DYNC2H1: variants seen among roughly 807,000 people sequenced by gnomAD.
DYNC2H1 encodes the protein cytoplasmic dynein 2 heavy chain 1.
DYNC2H1 carries 410 observed loss-of-function variants against 570.0 expected under a neutral mutation model. That is an observed-to-expected ratio of 0.72 (90% confidence interval 0.66 to 0.78). The LOEUF (loss-of-function observed/expected upper bound fraction) is 0.78, where lower values mean the gene tolerates loss of function less well. Ranked by LOEUF, DYNC2H1 falls within the 30% of genes least tolerant of loss-of-function variation. The pLI, the probability that DYNC2H1 is intolerant of heterozygous loss-of-function variation, is 0.00. For missense variants in DYNC2H1, 4,865 were observed against 5,046.4 expected (o/e 0.96, Z 1.09); for synonymous variants, 1,688 against 1,677.6 (o/e 1.01, Z -0.15).
rs946237331 is a variant in DYNC2H1 at position 103,133,825 on chromosome 11, T to A, written c.2106+118T>A. The A allele has an allele frequency of 9.1e-7, 1 of 1,095,176 alleles. No individual in the cohort carries two copies. Among genetic ancestry groups the A allele is most frequent in the Admixed American group, 3.2e-5 (1 of 31,528 alleles). 67.8% of individuals were successfully genotyped at this position (1,095,176 alleles called of 1,614,324 possible). On this transcript the variant is annotated intron_variant, in intron 14 of 88. Transcript: ENST00000375735. This position sits in a 1 kb window ranked among gnomAD's most constrained non-coding sequence, Gnocchi z 4.8. The stretch of plus-strand genomic sequence containing the variant: ...TTGAGACTTAAAGTTACAAAAATAG[T>A]ACAGAGAAATCACAATTCCCATTTG...
At chr11:103,258,637 A>G (rs1865155103) in intron 69 of DYNC2H1, among the ~76,000 whole-genome samples, 1 of 152,226 alleles carries the variant, frequency 6.6e-6, no homozygotes, top group South Asian at 2.1e-4. Flanking sequence ...GCTTTTTCAC[A>G]GCACTGAGTA....
chr11:103,168,763 A>C lies in DYNC2H1; in HGVS notation c.4771A>C (p.Ile1591Leu). 6.2e-7 allele frequency: 1 copy of C among 1,612,560 alleles called. No homozygotes were observed. Among genetic ancestry groups the C allele is most frequent in the East Asian group, 2.2e-5 (1 of 44,710 alleles). Residue 1591 changes from isoleucine to leucine, a missense_variant, in exon 32 of 89, where the codon ATC becomes CTC. Ile to Leu is a conservative substitution (Grantham distance 5). Around this residue, in one of 5 missense-constraint regions of DYNC2H1, gnomAD observed 1,936 missense variants for 1,962.1 expected, o/e 0.99. Coordinates refer to ENST00000375735, the MANE Select transcript of DYNC2H1 (RefSeq NM_001377.3). Reference sequence around the variant, plus strand: ...TTTTTATTTCTGCCTAGAATCGGGCATCCTGGAGCTTAAACTTAAAGCCCT... The same window carrying C: ...TTTTTATTTCTGCCTAGAATCGGGCCTCCTGGAGCTTAAACTTAAAGCCCT... The part of the protein sequence containing the change: ...SEDPGNTESG[I>L]LELKLKALIL...
chr11:103,362,945 C>T (rs1208991351), intron 83 of DYNC2H1, among the ~76,000 whole-genome samples: 1 of 152,062 alleles, frequency 6.6e-6, no homozygotes, highest in Non-Finnish European at 1.5e-5. Flanking sequence ...GCAGGAGAAT[C>T]ACCTGAACCC....
intron 52 of DYNC2H1, among the ~76,000 whole-genome samples, chr11:103,206,683 GTATGATGAAC>G (rs896458103): frequency 1.3e-5 from 2 of 152,118 alleles, no homozygotes; most frequent in African/African-American, 2.4e-5. Flanking sequence ...AAGGAAGAAA[GTATGATGAAC>G]AATGAAAGTA....
rs753662982 is a variant in DYNC2H1 at position 103,179,151 on chromosome 11, A to G, written c.6265A>G (p.Asn2089Asp). 6.2e-7 allele frequency: 1 copy of G among 1,613,058 alleles called. No individual in the cohort carries two copies. Among genetic ancestry groups the G allele is most frequent in the Non-Finnish European group, 8.5e-7 (1 of 1,179,296 alleles). Reference sequence around the variant, plus strand: ...TGGAGAAAGGATTCAGTTTGGCCCAAATGTTAACTTTGTATTTGAAACTCA... The same window carrying G: ...TGGAGAAAGGATTCAGTTTGGCCCAGATGTTAACTTTGTATTTGAAACTCA... The part of the protein sequence containing the change: ...PSGERIQFGP[N>D]VNFVFETHDL... The change falls in exon 39 of 89, where the codon AAT becomes GAT. Residue 2089 changes from asparagine (N) to aspartate (D), a missense_variant. Around this residue, in one of 5 missense-constraint regions of DYNC2H1, gnomAD observed 231 missense variants for 310.3 expected, o/e 0.74. Transcript: ENST00000375735.
rs371929305 is a variant in DYNC2H1 at position 103,173,272 on chromosome 11, G to C, written c.5525G>C (p.Ser1842Thr). 1.1e-5 allele frequency: 17 copies of C among 1,584,174 alleles called. No homozygotes were observed. The highest frequency in any genetic ancestry group is 1.4e-5 in the Non-Finnish European group (16 of 1,167,114). ...GGCTTTAAAGACGCTAAAGTATTGA[G>C]CAGAAAATTGGTAGCTATTTTCAAT... is the stretch of plus-strand genomic sequence containing the variant. ...SEGFKDAKVL[S>T]RKLVAIFNLS... The change falls in exon 35 of 89, where the codon AGC becomes ACC. Residue 1842 changes from serine to threonine, a missense_variant. By Grantham distance (58) the Ser-to-Thr change is moderately conservative. Transcript: ENST00000375735.
rs560112401 is a variant in DYNC2H1 at position 103,170,665 on chromosome 11, C to A, written c.5152-221C>A. On this transcript the variant is annotated intron_variant, in intron 33 of 88. Coordinates refer to ENST00000375735, the MANE Select transcript of DYNC2H1 (RefSeq NM_001377.3). This position sits in a 1 kb window ranked among gnomAD's most constrained non-coding sequence, Gnocchi z 4.8. ...AACTAACACAAATCTTGTATTTTTT[C>A]TGCAAGCTTTTTAGAACACTTTCAC... is the stretch of plus-strand genomic sequence containing the variant. 1.3e-5 allele frequency among the ~76,000 whole-genome samples: 2 copies of A among 152,148 alleles called. No homozygotes were observed. Among genetic ancestry groups the A allele is most frequent in the African/African-American group, 4.8e-5 (2 of 41,496 alleles).
At chr11:103,174,890 C>T (rs1288297201) in intron 36 of DYNC2H1, among the ~76,000 whole-genome samples, 1 of 114,588 alleles carries the variant, frequency 8.7e-6, no homozygotes, top group Non-Finnish European at 1.6e-5. Flanking sequence ...AGCTTACTCT[C>T]AGAGTGGCAA....
Position 103,336,850 on chromosome 11 carries a change from AC to A in DYNC2H1, c.12039+12861del, listed in dbSNP as rs572498087. On this transcript the variant is annotated intron_variant, in intron 82 of 88. Coordinates refer to ENST00000375735, the MANE Select transcript of DYNC2H1 (RefSeq NM_001377.3). ...AGCAGTGAGATTGCTGGTAATAAAC[AC>A]AGGAGTGCAGATACCTTTCCAATAT... Among the ~76,000 whole-genome samples the A allele has an allele frequency of 5.9e-5, 9 of 152,272 alleles. No homozygotes were observed. The South Asian group carries it at 1.7e-3, about 28-fold the overall frequency.
Position 103,201,656 on chromosome 11 carries a change from C to G in DYNC2H1, c.8197+1502C>G, listed in dbSNP as rs970682085. ...AACTGTTGCTACTCTTCTCCTGTGGCTCTGTCCCCAGCAAACTGTGGTACT... is the reference window on the plus strand; with the variant it reads ...AACTGTTGCTACTCTTCTCCTGTGGGTCTGTCCCCAGCAAACTGTGGTACT... On this transcript the variant is annotated intron_variant, in intron 50 of 88. Transcript: ENST00000375735. This position sits in a 1 kb window ranked among gnomAD's most constrained non-coding sequence, Gnocchi z 4.8. Among the ~76,000 whole-genome samples, 5 of 152,160 alleles carry G rather than the reference C, an allele frequency of 3.3e-5. No homozygotes were observed. Among genetic ancestry groups the G allele is most frequent in the African/African-American group, 4.8e-5 (2 of 41,450 alleles).
chr11:103,278,521 G>A (rs1429344595), intron 70 of DYNC2H1, among the ~76,000 whole-genome samples: 1 of 152,120 alleles, frequency 6.6e-6, no homozygotes, highest in Non-Finnish European at 1.5e-5. Flanking sequence ...AAATAGGAGG[G>A]ATGGAATTTA....
chr11:103,370,676 G>A (rs1158276759), intron 83 of DYNC2H1, among the ~76,000 whole-genome samples: 2 of 152,162 alleles, frequency 1.3e-5, no homozygotes, highest in Admixed American at 1.3e-4. Flanking sequence ...AAGAGTCCCT[G>A]CCTGATAATC....
At chr11:103,215,321 C>T (rs1863336670) in intron 54 of DYNC2H1, among the ~76,000 whole-genome samples, 1 of 152,020 alleles carries the variant, frequency 6.6e-6, no homozygotes, top group South Asian at 2.1e-4. Context: ...GAGGTATGTT[C>T]CTCCAATGCC....
At chr11:103,449,337 T>C (rs1944523344) in intron 85 of DYNC2H1, among the ~76,000 whole-genome samples, 1 of 152,204 alleles carries the variant, frequency 6.6e-6, no homozygotes, top group Non-Finnish European at 1.5e-5. Flanking sequence ...GGGATAACTC[T>C]GGGCAACTTT....
chr11:103,183,756 A>C (rs1455578137), intron 40 of DYNC2H1, among the ~76,000 whole-genome samples: 1 of 151,840 alleles, frequency 6.6e-6, no homozygotes, highest in Non-Finnish European at 1.5e-5. Context: ...TCTCAGTATG[A>C]GTCTGTCTAG....
Position 103,479,368 on chromosome 11 carries a change from G to T in DYNC2H1, c.*115G>T. ...TGTTAGTTCAAAATATTAACATATA[G>T]TTATGTTGTTGATGTCACTGAAATT... On this transcript the variant is annotated 3_prime_UTR_variant, in exon 89 of 89. Coordinates refer to ENST00000375735, the MANE Select transcript of DYNC2H1 (RefSeq NM_001377.3). 2 of 1,217,764 alleles carry T rather than the reference G, an allele frequency of 1.6e-6. No homozygotes were observed. Among genetic ancestry groups the T allele is most frequent in the Non-Finnish European group, 2.2e-6 (2 of 919,438 alleles). 75.4% of individuals were successfully genotyped at this position (1,217,764 alleles called of 1,614,324 possible). A position where few individuals can be genotyped will look rare whatever the true frequency, so the allele number is the denominator to read the frequency against.
At chr11:103,184,786 A>G in intron 40 of DYNC2H1, 110 bp from the exon 41 acceptor site, 1 of 1,068,482 alleles carries the variant, frequency 9.4e-7, no homozygotes, top group African/African-American at 1.6e-5. Context: ...TAGAGGAGTG[A>G]GTTTAAAAAT....
At chr11:103,155,578 T>C (rs1459623917) in intron 25 of DYNC2H1, 77 bp downstream of exon 25, 1 of 1,416,168 alleles carries the variant, frequency 7.1e-7, no homozygotes, top group Non-Finnish European at 9.3e-7. Context: ...TTTGTTTAAA[T>C]ACAAAAAAAG....
chr11:103,251,241 A>G (rs1332332168), intron 65 of DYNC2H1, among the ~76,000 whole-genome samples: 1 of 152,014 alleles, frequency 6.6e-6, no homozygotes, highest in East Asian at 1.9e-4. Flanking sequence ...ACATCTTTCT[A>G]TTCAGTTGTC....
Sources: allele counts gnomAD v4.1 joint callset (sites outside exome capture counted in the v4.1 genomes callset), GRCh38; gene constraint gnomAD v4.1.1; regional missense constraint gnomAD v4.1.1; non-coding constraint Gnocchi (gnomAD v3.1); transcripts MANE v1.5; gene names NCBI Gene and HGNC (gene_info 2026-07-23, HGNC 2026-07-21).